DLGAP1: variants seen among roughly 807,000 people sequenced by gnomAD.
The protein encoded by DLGAP1 is DLG associated protein 1.
In DLGAP1, 11 loss-of-function variants were observed where a neutral mutation model predicts 90.8. The ratio of observed to expected loss-of-function variants is 0.12; its 90% CI spans 0.08 to 0.20. DLGAP1 has a LOEUF of 0.20. Ranked by LOEUF, DLGAP1 falls within the 10% of genes least tolerant of loss-of-function variation. The pLI, the probability that DLGAP1 is intolerant of heterozygous loss-of-function variation, is 1.00. For missense variants in DLGAP1, 1,050 were observed against 1,333.8 expected, an observed-to-expected ratio of 0.79 and a Z score of 3.31; for synonymous variants, 558 against 540.7, an observed-to-expected ratio of 1.03 and a Z score of -0.44.
At chr18:4,150,835 T>C (rs529356866) in intron 2 of DLGAP1, among the ~76,000 whole-genome samples, 114 of 152,398 alleles carry the variant, frequency 7.5e-4, no homozygotes, top group African/African-American at 2.7e-3. Flanking sequence ...CTATGCCATT[T>C]ACTTCCATAA....
chr18:3,984,643 T>A (rs190642537), intron 3 of DLGAP1, among the ~76,000 whole-genome samples: 28 of 152,236 alleles, frequency 1.8e-4, no homozygotes, highest in African/African-American at 6.5e-4. Context: ...TCCTTGCCAT[T>A]CCTTCATTTT....
intron 8 of DLGAP1, among the ~76,000 whole-genome samples, chr18:3,570,335 G>A (rs532430087): frequency 1.3e-5 from 2 of 150,962 alleles, no homozygotes; most frequent in South Asian, 4.3e-4. Context: ...TTAGAGTGCA[G>A]TGGTATGATC....
chr18:3,672,755 A>G (rs79299667), intron 7 of DLGAP1, among the ~76,000 whole-genome samples: 2,401 of 152,068 alleles, frequency 0.016, 63 homozygotes, highest in African/African-American at 0.056. Context: ...CCATTCATCA[A>G]TAGTGGTGGC....
At chr18:3,703,709 T>C (rs530805171) in intron 7 of DLGAP1, among the ~76,000 whole-genome samples, 10 of 152,344 alleles carry the variant, frequency 6.6e-5, no homozygotes, top group Non-Finnish European at 1.0e-4. Context: ...TGTTTCTTAT[T>C]TTCCTCCCGA....
chr18:4,430,084 T>C (rs948056650), intron 1 of DLGAP1, among the ~76,000 whole-genome samples: 3 of 152,170 alleles, frequency 2.0e-5, no homozygotes, highest in Non-Finnish European at 4.4e-5. Flanking sequence ...AAAGTAAATT[T>C]CAAGAGAAAC....
At chr18:3,780,954 C>T (rs1598723990) in intron 5 of DLGAP1, among the ~76,000 whole-genome samples, 1 of 152,038 alleles carries the variant, frequency 6.6e-6, no homozygotes, top group African/African-American at 2.4e-5. Flanking sequence ...GGACTACAGA[C>T]ATGCACCTCC....
chr18:3,772,419 TTTCC>T (rs1449735686), intron 5 of DLGAP1, among the ~76,000 whole-genome samples: 19 of 91,956 alleles, frequency 2.1e-4, no homozygotes, highest in African/African-American at 6.5e-4. Context: ...TCTTTCTTTC[TTTCC>T]TTCCTTCCTC....
At chr18:4,137,054 C>T (rs1363607237) in intron 2 of DLGAP1, among the ~76,000 whole-genome samples, 1 of 152,066 alleles carries the variant, frequency 6.6e-6, no homozygotes, top group Non-Finnish European at 1.5e-5. Context: ...TCCCCCCTTC[C>T]CCCACTCCAC....
intron 8 of DLGAP1, among the ~76,000 whole-genome samples, chr18:3,577,491 T>C (rs942500123): frequency 6.6e-6 from 1 of 152,232 alleles, no homozygotes; most frequent in East Asian, 1.9e-4. Flanking sequence ...CAAAGTAGGA[T>C]GTTGTGTCTT....
chr18:3,769,372 A>G (rs1361427727), intron 5 of DLGAP1, among the ~76,000 whole-genome samples: 2 of 152,158 alleles, frequency 1.3e-5, no homozygotes, highest in Non-Finnish European at 2.9e-5. Flanking sequence ...CAACTACTAT[A>G]TGACCCAAGA....
At chr18:3,676,374 C>T (rs761623454) in intron 7 of DLGAP1, among the ~76,000 whole-genome samples, 61 of 152,352 alleles carry the variant, frequency 4.0e-4, no homozygotes, top group Admixed American at 7.8e-4. Flanking sequence ...GGCAGGTCCT[C>T]TCGGAAGACC....
chr18:4,151,050 T>C (rs1044684365), intron 2 of DLGAP1, 130 bp downstream of exon 2: 2 of 152,228 alleles, frequency 1.3e-5, no homozygotes, highest in East Asian at 1.9e-4. Flanking sequence ...CTGGAAAGTG[T>C]ATGCCAGGAA....
rs112332960 is a variant in DLGAP1 at position 4,144,418 on chromosome 18, A to C, written c.-159+6762T>G. 6.7e-3 allele frequency among the ~76,000 whole-genome samples: 1,025 copies of C among 152,238 alleles called. 9 individuals carry two copies. Among genetic ancestry groups the C allele is most frequent in the African/African-American group, 0.024 (990 of 41,550 alleles). On this transcript the variant is annotated intron_variant, in intron 2 of 12. Transcript: ENST00000315677. ...TGAGTTCCTATACAAAAAGTCCCAC[A>C]ATCACTGTGTTCTCCCTCCCCCCAG...
chr18:4,140,526 A>C (rs181787740), intron 2 of DLGAP1, among the ~76,000 whole-genome samples: 130 of 152,012 alleles, frequency 8.6e-4, no homozygotes, highest in Non-Finnish European at 1.5e-3. Flanking sequence ...TGATTGGTTC[A>C]TCTCTTAGTC....
chr18:4,420,120 AG>A (rs1823088746), intron 1 of DLGAP1, among the ~76,000 whole-genome samples: 1 of 152,232 alleles, frequency 6.6e-6, no homozygotes, highest in Non-Finnish European at 1.5e-5. Flanking sequence ...TCTTGCAAAA[AG>A]AGTCAATTCT....
At chr18:4,023,091 T>C (rs2074641265) in intron 2 of DLGAP1, among the ~76,000 whole-genome samples, 1 of 152,100 alleles carries the variant, frequency 6.6e-6, no homozygotes, top group Non-Finnish European at 1.5e-5. Flanking sequence ...TTATGCAACT[T>C]TTTAGTTTTT....
Position 4,412,264 on chromosome 18 carries a change from G to A in DLGAP1, c.-267+42742C>T, listed in dbSNP as rs117637959. Among the ~76,000 whole-genome samples the A allele has an allele frequency of 2.9e-3, 448 of 152,170 alleles. 1 individual carries two copies. The highest frequency in any genetic ancestry group is 5.1e-3 in the Non-Finnish European group (346 of 68,016). ...ATCTCAATGGATGCACTTGAAAATCGCTTATCACTAGATTCCCCACAACCT... is the reference window on the plus strand; with the variant it reads ...ATCTCAATGGATGCACTTGAAAATCACTTATCACTAGATTCCCCACAACCT... On this transcript the variant is annotated intron_variant, in intron 1 of 12. Coordinates refer to ENST00000315677, the MANE Select transcript of DLGAP1 (RefSeq NM_004746.4).
At chr18:3,969,743 G>A (rs1435160170) in intron 3 of DLGAP1, among the ~76,000 whole-genome samples, 1 of 152,154 alleles carries the variant, frequency 6.6e-6, no homozygotes, top group African/African-American at 2.4e-5. Context: ...CCCTTAATAA[G>A]AGTGCCAGCT....
chr18:4,319,249 T>C (rs1353219494), intron 1 of DLGAP1, among the ~76,000 whole-genome samples: 1 of 152,252 alleles, frequency 6.6e-6, no homozygotes, highest in Non-Finnish European at 1.5e-5. Flanking sequence ...TAAAAATTTA[T>C]AAATGTATCA....
Sources: gnomAD v4.1 joint callset for allele counts (sites outside exome capture counted in the v4.1 genomes callset) on GRCh38, gnomAD v4.1.1 for gene constraint, MANE v1.5 for transcripts, NCBI Gene and HGNC (gene_info 2026-07-23, HGNC 2026-07-21) for gene names.